Variants in MAGI1 observed in about 807,000 individuals in gnomAD.
MAGI1 encodes the protein membrane associated guanylate kinase, WW and PDZ domain containing 1.
A neutral mutation model predicts 139.9 loss-of-function variants in MAGI1; 58 were observed. That is an observed-to-expected ratio of 0.41 (90% CI 0.34 to 0.52). MAGI1 has a LOEUF of 0.52. Ranked by LOEUF, MAGI1 falls within the 20% of genes least tolerant of loss-of-function variation. The pLI is 0.12. For synonymous variants in MAGI1, 812 were observed against 737.9 expected (o/e 1.10, Z -1.63); for missense variants, 1,874 against 1,901.6 (o/e 0.99, Z 0.27).
intron 1 of MAGI1, among the ~76,000 whole-genome samples, chr3:65,704,944 A>G (rs2029908716): frequency 6.6e-6 from 1 of 152,080 alleles, no homozygotes; most frequent in Admixed American, 6.5e-5. Context: ...ACTACTGCAC[A>G]GACTCCTCCG....
chr3:65,688,260 C>T, intron 1 of MAGI1: 1 of 852,580 alleles, frequency 1.2e-6, no homozygotes, highest in Non-Finnish European at 2.0e-6. Flanking sequence ...GGTCTGAATC[C>T]TCTCACATGG....
intron 6 of MAGI1, among the ~76,000 whole-genome samples, chr3:65,449,201 C>A (rs993675451): frequency 6.6e-6 from 1 of 151,880 alleles, no homozygotes. Flanking sequence ...TGCAGCACAC[C>A]AACATGGCAC....
At chr3:65,532,065 T>C (rs2078738917) in intron 2 of MAGI1, among the ~76,000 whole-genome samples, 1 of 152,148 alleles carries the variant, frequency 6.6e-6, no homozygotes, top group Admixed American at 6.6e-5. Flanking sequence ...ACAGTTCCAA[T>C]CATATCTCTG....
intron 1 of MAGI1, among the ~76,000 whole-genome samples, chr3:65,983,747 G>A (rs1396864391): frequency 6.6e-6 from 1 of 152,042 alleles, no homozygotes; most frequent in Non-Finnish European, 1.5e-5. Flanking sequence ...AACATTAGTT[G>A]ACAATGGCCG....
At chr3:65,401,769 G>A (rs958581763) in intron 12 of MAGI1, 2 of 1,394,910 alleles carry the variant, frequency 1.4e-6, no homozygotes, top group African/African-American at 2.9e-5. Flanking sequence ...TTGAACACTT[G>A]GACAGAATCT....
rs115689669 is a variant in MAGI1, at chr3:65,758,612, T to C, written c.314-136524A>G. 9.6e-3 allele frequency among the ~76,000 whole-genome samples: 1,457 copies of C among 152,260 alleles called. 26 individuals carry two copies. The highest frequency in any genetic ancestry group is 0.033 in the African/African-American group (1,365 of 41,554). Reference sequence around the variant, plus strand: ...GCCCCAGGAGACATCTGGCAACGTCTGGAGACATTATTGGTTGTCACAAAT... The same window carrying C: ...GCCCCAGGAGACATCTGGCAACGTCCGGAGACATTATTGGTTGTCACAAAT... On this transcript the variant is annotated intron_variant, in intron 1 of 22. Coordinates refer to ENST00000402939, the MANE Select transcript of MAGI1 (RefSeq NM_001033057.2).
At chr3:65,982,154 C>A (rs552194967) in intron 1 of MAGI1, among the ~76,000 whole-genome samples, 2 of 152,218 alleles carry the variant, frequency 1.3e-5, no homozygotes, top group African/African-American at 4.8e-5. Flanking sequence ...TTTACTCTAA[C>A]AAGTGCCTGC....
At chr3:65,689,451 A>G (rs2088375272) in intron 1 of MAGI1, among the ~76,000 whole-genome samples, 1 of 151,714 alleles carries the variant, frequency 6.6e-6, no homozygotes, top group African/African-American at 2.4e-5. Flanking sequence ...TTTGCTCCCT[A>G]TTTCAGTTAA....
intron 2 of MAGI1, chr3:65,597,933 G>GT (rs1046169349): frequency 4.0e-5 from 18 of 449,910 alleles, no homozygotes; most frequent in Non-Finnish European, 7.6e-5. Flanking sequence ...GGTGGGGGGG[G>GT]GGTGGGACCG....
At chr3:65,884,773 G>A in intron 1 of MAGI1, among the ~76,000 whole-genome samples, 1 of 152,062 alleles carries the variant, frequency 6.6e-6, no homozygotes, top group Non-Finnish European at 1.5e-5. Context: ...GAGGCCCAGT[G>A]TCTGCTGTTC....
At chr3:65,387,388 CT>C (rs35217636) in intron 14 of MAGI1, among the ~76,000 whole-genome samples, 8 of 146,946 alleles carry the variant, frequency 5.4e-5, no homozygotes, top group South Asian at 2.2e-4. Flanking sequence ...TTTTTTCTTT[CT>C]TTTTTTTTTT....
intron 1 of MAGI1, among the ~76,000 whole-genome samples, chr3:66,033,400 A>G (rs2068747498): frequency 1.3e-5 from 2 of 151,838 alleles, no homozygotes; most frequent in African/African-American, 2.4e-5. Flanking sequence ...TCTCTTCCCA[A>G]CTCCAGCTAT....
At chr3:65,869,189 G>A (rs1457300132) in intron 1 of MAGI1, among the ~76,000 whole-genome samples, 2 of 149,188 alleles carry the variant, frequency 1.3e-5, no homozygotes, top group African/African-American at 4.9e-5. Flanking sequence ...CCAGGAGGCG[G>A]AGCTTGCAGT....
intron 2 of MAGI1, among the ~76,000 whole-genome samples, chr3:65,516,850 C>T (rs1317792507): frequency 6.7e-6 from 1 of 148,616 alleles, no homozygotes; most frequent in African/African-American, 2.5e-5. Context: ...GCCTCAGCCT[C>T]CCGAGTAGCT....
intron 1 of MAGI1, among the ~76,000 whole-genome samples, chr3:66,024,107 C>G (rs2068100903): frequency 6.6e-6 from 1 of 151,588 alleles, no homozygotes; most frequent in South Asian, 2.1e-4. Context: ...TATCCTGGGC[C>G]CTGAGAATAC....
intron 1 of MAGI1, among the ~76,000 whole-genome samples, chr3:65,982,403 C>T (rs868110104): frequency 6.6e-6 from 1 of 152,178 alleles, no homozygotes; most frequent in African/African-American, 2.4e-5. Context: ...TGCTCTTGAC[C>T]TTTCTCCTTC....
intron 1 of MAGI1, among the ~76,000 whole-genome samples, chr3:65,641,643 C>T (rs1405942523): frequency 1.3e-5 from 2 of 152,080 alleles, no homozygotes; most frequent in African/African-American, 4.8e-5. Context: ...GAGAGTGGTA[C>T]GGGAGTGAAG....
At chr3:65,709,948 A>G (rs2031098859) in intron 1 of MAGI1, among the ~76,000 whole-genome samples, 1 of 152,224 alleles carries the variant, frequency 6.6e-6, no homozygotes, top group Non-Finnish European at 1.5e-5. Context: ...GAAACACTGC[A>G]TCCCAAACCA....
intron 1 of MAGI1, among the ~76,000 whole-genome samples, chr3:65,857,237 A>G (rs1484697232): frequency 6.6e-6 from 1 of 152,228 alleles, no homozygotes; most frequent in Non-Finnish European, 1.5e-5. Context: ...TCCTGGAGAA[A>G]AGAAACATGA....
Sources: gnomAD v4.1 joint callset for allele counts (sites outside exome capture counted in the v4.1 genomes callset) on GRCh38, gnomAD v4.1.1 for gene constraint, MANE v1.5 for transcripts, NCBI Gene and HGNC (gene_info 2026-07-23, HGNC 2026-07-21) for gene names.